Variants in FAM177A1 observed in about 807,000 individuals in gnomAD.
FAM177A1 encodes the protein family with sequence similarity 177 member A1.
Under a neutral mutation model 26.1 loss-of-function variants are expected in FAM177A1, and 22 were observed. The observed-to-expected ratio is 0.84, with a 90% CI of 0.60 to 1.20. The LOEUF (loss-of-function observed/expected upper bound fraction) is 1.20. FAM177A1 is among the 50% of genes most tolerant of loss of function. The probability of loss-of-function intolerance (pLI) is 0.00; values close to 1 mark genes in which losing one functional copy is unlikely to be tolerated. For missense variants in FAM177A1, 296 were observed against 291.1 expected (o/e 1.02, Z -0.12); for synonymous variants, 95 against 99.3 (o/e 0.96, Z 0.26).
At chr14:35,045,422 A>G (rs888299993), upstream of FAM177A1, among the ~76,000 whole-genome samples, 1 of 152,230 alleles carries the variant, frequency 6.6e-6, no homozygotes, top group African/African-American at 2.4e-5. Flanking sequence ...AGAGAAAGGA[A>G]TATTTAATAT....
intron 2 of FAM177A1, among the ~76,000 whole-genome samples, chr14:35,058,287 A>G (rs1242612784): frequency 2.6e-5 from 4 of 151,990 alleles, no homozygotes; most frequent in Admixed American, 1.3e-4. Flanking sequence ...GATGGTCTCG[A>G]TCTCTTGACC....
At chr14:35,067,230 C>T (rs1048096247) in intron 2 of FAM177A1, among the ~76,000 whole-genome samples, 18 of 151,950 alleles carry the variant, frequency 1.2e-4, no homozygotes, top group African/African-American at 4.4e-4. Context: ...CCATTGTGCT[C>T]TCTGTTTCTA....
At chr14:35,065,298 A>G (rs192034611) in intron 2 of FAM177A1, among the ~76,000 whole-genome samples, 106 of 147,372 alleles carry the variant, frequency 7.2e-4, no homozygotes, top group Non-Finnish European at 1.2e-3. Context: ...AGAATACATT[A>G]TGGTTTAATA....
intron 1 of FAM177A1, among the ~76,000 whole-genome samples, chr14:35,050,564 T>G (rs1399058917): frequency 6.6e-6 from 1 of 151,396 alleles, no homozygotes; most frequent in Non-Finnish European, 1.5e-5. Flanking sequence ...CCTTTGCCTG[T>G]GTCATAGAAG....
At chr14:35,069,730 A>G (rs1566673114) in intron 2 of FAM177A1, among the ~76,000 whole-genome samples, 1 of 152,158 alleles carries the variant, frequency 6.6e-6, no homozygotes, top group Non-Finnish European at 1.5e-5. Context: ...TCCATAGTAC[A>G]TTTGTAAAAC....
intron 2 of FAM177A1, among the ~76,000 whole-genome samples, chr14:35,060,641 C>T (rs1159805198): frequency 6.6e-6 from 1 of 152,092 alleles, no homozygotes; most frequent in Non-Finnish European, 1.5e-5. Flanking sequence ...CTGCTGTGTT[C>T]TTTTAGTGAA....
chr14:35,062,130 C>G (rs1382482669), intron 2 of FAM177A1, among the ~76,000 whole-genome samples: 1 of 152,098 alleles, frequency 6.6e-6, no homozygotes, highest in Non-Finnish European at 1.5e-5. Context: ...AGGGAGTGGT[C>G]TTAGTTCAGT....
chr14:35,052,614 A>G (rs1174657254), intron 1 of FAM177A1, among the ~76,000 whole-genome samples: 2 of 152,050 alleles, frequency 1.3e-5, no homozygotes, highest in Non-Finnish European at 2.9e-5. Flanking sequence ...GTGTAAATAT[A>G]TAGGAGTAAA....
chr14:35,078,732 G>A (rs1247617981), intron 3 of FAM177A1, among the ~76,000 whole-genome samples, 195 bp from the exon 4 acceptor site: 2 of 152,204 alleles, frequency 1.3e-5, no homozygotes, highest in Non-Finnish European at 2.9e-5. Context: ...GAAAAGACTT[G>A]TTGGGAGTTT....
chr14:35,053,560 CTTA>C (rs1215072307), intron 2 of FAM177A1, 109 bp downstream of exon 2: 5 of 919,216 alleles, frequency 5.4e-6, no homozygotes, highest in Non-Finnish European at 3.4e-6. Context: ...CAACTATATT[CTTA>C]TTATAAAATT....
chr14:35,051,105 ATTTTTTAAGATAGTTTATTAT>A (rs1055695703), intron 1 of FAM177A1, among the ~76,000 whole-genome samples: 1 of 151,962 alleles, frequency 6.6e-6, no homozygotes, highest in African/African-American at 2.4e-5. Context: ...ACCAAATTTT[ATTTTTTAAGATAGTTTATTAT>A]TTTTATTTTT....
intron 1 of FAM177A1, among the ~76,000 whole-genome samples, chr14:35,047,580 C>A (rs1013695000): frequency 6.6e-6 from 1 of 152,214 alleles, no homozygotes; most frequent in Non-Finnish European, 1.5e-5. Context: ...GAAACCCCTT[C>A]TCTACTAAAA....
rs548805005 is a variant in FAM177A1, at chr14:35,063,018, C to T, written c.339+9567C>T. ...AAAAAAGGTCGGGTGCGGTGGACCA[C>T]GCCTGTAATCCCAGCACTTTGGGAG... On this transcript the variant is annotated intron_variant, in intron 2 of 4. Coordinates refer to ENST00000280987, the MANE Select transcript of FAM177A1 (RefSeq NM_173607.5). Among the ~76,000 whole-genome samples the T allele has an allele frequency of 2.5e-3, 371 of 149,788 alleles. 2 individuals are homozygous for T. Among genetic ancestry groups the T allele is most frequent in the African/African-American group, 8.5e-3 (347 of 40,894 alleles).
At chr14:35,070,313 C>T (rs562516294) in intron 2 of FAM177A1, among the ~76,000 whole-genome samples, 53 of 151,302 alleles carry the variant, frequency 3.5e-4, no homozygotes, top group African/African-American at 1.2e-3. Context: ...CATGAGCCAC[C>T]GTGTCCGGCC....
chr14:35,075,517 A>G (rs2045381100), intron 2 of FAM177A1, among the ~76,000 whole-genome samples: 1 of 152,174 alleles, frequency 6.6e-6, no homozygotes, highest in African/African-American at 2.4e-5. Context: ...CCTAGGCAAT[A>G]CCATTCAGGA....
chr14:35,072,313 T>C lies in FAM177A1; in HGVS notation c.340-4837T>C, dbSNP rs145439657. Among the ~76,000 whole-genome samples the C allele has an allele frequency of 1.4e-4, 22 of 152,040 alleles. No individual in the cohort carries two copies. In the East Asian group the frequency reaches 3.1e-3, roughly 21 times the overall value. ...GGAAAGGAAAAAGGGTTAAGAAAAT[T>C]ATAAGGAAGAGAAAATATATTTACT... On this transcript the variant is annotated intron_variant, in intron 2 of 4. Transcript: ENST00000280987.
intron 4 of FAM177A1, 41 bp downstream of exon 4, chr14:35,079,065 G>A: frequency 6.7e-7 from 1 of 1,488,382 alleles, no homozygotes; most frequent in South Asian, 1.3e-5. Context: ...AGTTTGGTTT[G>A]CTATGGACTT....
intron 2 of FAM177A1, among the ~76,000 whole-genome samples, chr14:35,068,611 G>A (rs147709487): frequency 1.6e-3 from 246 of 152,310 alleles, no homozygotes; most frequent in African/African-American, 5.7e-3. Context: ...TAAGGCCACA[G>A]CTACTATTGG....
chr14:35,045,001 A>G (rs1485544550), upstream of FAM177A1: 1 of 152,226 alleles, frequency 6.6e-6, no homozygotes, highest in Non-Finnish European at 1.5e-5. Flanking sequence ...AAGATTGTTG[A>G]TTGCCCTGCT....
Sources: gnomAD v4.1 joint callset for allele counts (sites outside exome capture counted in the v4.1 genomes callset) on GRCh38, gnomAD v4.1.1 for gene constraint, MANE v1.5 for transcripts, NCBI Gene and HGNC (gene_info 2026-07-23, HGNC 2026-07-21) for gene names.